Variants in LRRC4C observed in about 807,000 individuals in gnomAD.
LRRC4C encodes leucine rich repeat containing 4C.
A neutral mutation model predicts 33.6 loss-of-function variants in LRRC4C; 5 were observed. The observed-to-expected ratio is 0.15, with a 90% CI of 0.08 to 0.31. The LOEUF is 0.31. Ranked by LOEUF, LRRC4C falls within the 10% of genes least tolerant of loss-of-function variation. LRRC4C has a pLI of 1.00. For missense variants in LRRC4C, 560 were observed against 796.7 expected (o/e 0.70, Z 3.58); for synonymous variants, 329 against 302.0 (o/e 1.09, Z -0.93).
chr11:41,031,953 T>C (rs988002413), intron 1 of LRRC4C, among the ~76,000 whole-genome samples: 1 of 151,936 alleles, frequency 6.6e-6, no homozygotes, highest in African/African-American at 2.4e-5. Flanking sequence ...TACACCAGGG[T>C]TGGAGACAAA....
At chr11:40,126,054 G>T (rs781388226) in intron 6 of LRRC4C, among the ~76,000 whole-genome samples, 7 of 151,344 alleles carry the variant, frequency 4.6e-5, no homozygotes, top group Non-Finnish European at 8.8e-5. Context: ...CATTTAAATG[G>T]CTATAACCCA....
chr11:41,400,797 G>A (rs1028164973), intron 1 of LRRC4C, among the ~76,000 whole-genome samples: 1 of 151,802 alleles, frequency 6.6e-6, no homozygotes. Context: ...AACAGAAAAC[G>A]TGCATCAGTG....
At chr11:41,104,698 G>A (rs1941392981) in intron 1 of LRRC4C, among the ~76,000 whole-genome samples, 1 of 151,772 alleles carries the variant, frequency 6.6e-6, no homozygotes, top group African/African-American at 2.4e-5. Context: ...TAGCTAAAAA[G>A]TGAAAACAAT....
chr11:41,074,692 C>T (rs552505345), intron 1 of LRRC4C, among the ~76,000 whole-genome samples: 1 of 152,194 alleles, frequency 6.6e-6, no homozygotes, highest in East Asian at 1.9e-4. Context: ...TACTGAAAAA[C>T]CAGTTTGGAA....
At chr11:40,719,365 T>C (rs1315258999) in intron 2 of LRRC4C, among the ~76,000 whole-genome samples, 1 of 152,064 alleles carries the variant, frequency 6.6e-6, no homozygotes, top group Non-Finnish European at 1.5e-5. Context: ...CAGATAATAG[T>C]GAAAGTCAAC....
At chr11:41,329,430 C>A (rs376289190) in intron 1 of LRRC4C, among the ~76,000 whole-genome samples, 1 of 152,264 alleles carries the variant, frequency 6.6e-6, no homozygotes, top group South Asian at 2.1e-4. Flanking sequence ...CAATATGTTG[C>A]GTCCCATAGT....
intron 2 of LRRC4C, among the ~76,000 whole-genome samples, chr11:40,927,145 G>A (rs1194438018): frequency 1.3e-5 from 2 of 152,144 alleles, no homozygotes; most frequent in South Asian, 2.1e-4. Flanking sequence ...GGAGGCTGAG[G>A]CGGGTGGACC....
chr11:40,934,493 T>C (rs989579105), intron 1 of LRRC4C, among the ~76,000 whole-genome samples: 2 of 152,226 alleles, frequency 1.3e-5, no homozygotes, highest in African/African-American at 4.8e-5. Context: ...AATTTCTCCT[T>C]ACTCTATCCT....
intron 1 of LRRC4C, among the ~76,000 whole-genome samples, chr11:41,300,073 C>T (rs901664817): frequency 2.6e-5 from 4 of 151,988 alleles, no homozygotes; most frequent in African/African-American, 9.7e-5. Flanking sequence ...ATCATGGGAC[C>T]ATAAACAGAA....
At chr11:40,847,987 G>C (rs1322404938) in intron 2 of LRRC4C, among the ~76,000 whole-genome samples, 6 of 151,904 alleles carry the variant, frequency 3.9e-5, no homozygotes, top group Non-Finnish European at 8.8e-5. Flanking sequence ...ATTTCTGAGG[G>C]ATCAGTGGTG....
intron 2 of LRRC4C, among the ~76,000 whole-genome samples, chr11:40,787,635 G>C (rs1354587470): frequency 6.6e-6 from 1 of 152,154 alleles, no homozygotes; most frequent in Admixed American, 6.5e-5. Flanking sequence ...GTGAAAAGGA[G>C]GTGAAAATGA....
At chr11:40,866,838 G>T (rs1026852166) in intron 2 of LRRC4C, among the ~76,000 whole-genome samples, 1 of 152,044 alleles carries the variant, frequency 6.6e-6, no homozygotes, top group African/African-American at 2.4e-5. Context: ...ATAGTCCATG[G>T]ATGTCTTCAT....
chr11:41,429,716 ACATACTCTGC>A (rs1955170108), intron 1 of LRRC4C, among the ~76,000 whole-genome samples: 4 of 152,002 alleles, frequency 2.6e-5, no homozygotes, highest in African/African-American at 9.7e-5. Context: ...ACTATGAAAG[ACATACTCTGC>A]AGAATGGCAA....
intron 2 of LRRC4C, among the ~76,000 whole-genome samples, chr11:40,673,040 A>G (rs1424201476): frequency 2.0e-5 from 3 of 152,134 alleles, no homozygotes; most frequent in African/African-American, 7.2e-5. Flanking sequence ...AAAAGAAAAA[A>G]AAAAACAGTT....
chr11:40,606,557 A>G (rs547361276), intron 3 of LRRC4C, among the ~76,000 whole-genome samples: 1 of 152,278 alleles, frequency 6.6e-6, no homozygotes, highest in South Asian at 2.1e-4. Flanking sequence ...CAATTCCCAG[A>G]AAATGACCCT....
chr11:40,604,786 A>G (rs1192281011), intron 3 of LRRC4C, among the ~76,000 whole-genome samples: 1 of 152,122 alleles, frequency 6.6e-6, no homozygotes, highest in African/African-American at 2.4e-5. Flanking sequence ...AAATAAAGGA[A>G]GAAGGAAAAT....
rs144466439 is a variant in LRRC4C, at chr11:40,919,128, T to C, written c.-407+14507A>G. Among the ~76,000 whole-genome samples the C allele has an allele frequency of 3.2e-3, 490 of 152,232 alleles. 1 individual carries two copies. The highest frequency in any genetic ancestry group is 5.7e-3 in the Non-Finnish European group (391 of 68,000). Reference sequence around the variant, plus strand: ...TAGTTAATTCACTAGCCCACACACATGGAAAAGCATGGCCCTGTATGTTCA... The same window carrying C: ...TAGTTAATTCACTAGCCCACACACACGGAAAAGCATGGCCCTGTATGTTCA... On this transcript the variant is annotated intron_variant, in intron 2 of 6. Coordinates refer to ENST00000528697, the MANE Select transcript of LRRC4C (RefSeq NM_001258419.2).
intron 2 of LRRC4C, among the ~76,000 whole-genome samples, chr11:40,880,055 C>T (rs757908053): frequency 5.9e-5 from 9 of 152,050 alleles, no homozygotes; most frequent in African/African-American, 1.4e-4. Context: ...TCTCTTCGGA[C>T]GCTCACATTT....
intron 3 of LRRC4C, among the ~76,000 whole-genome samples, chr11:40,564,488 A>G (rs1337475433): frequency 1.3e-5 from 2 of 152,164 alleles, no homozygotes; most frequent in African/African-American, 2.4e-5. Flanking sequence ...TGGCTCTTCT[A>G]TGCAGGTTAA....
Sources: allele counts gnomAD v4.1 joint callset (sites outside exome capture counted in the v4.1 genomes callset), GRCh38; gene constraint gnomAD v4.1.1; transcripts MANE v1.5; gene names NCBI Gene and HGNC (gene_info 2026-07-23, HGNC 2026-07-21).